Variants in KANSL1 observed in about 807,000 individuals in gnomAD.
The protein encoded by KANSL1 is MLL1/MLL complex subunit KANSL1.
KANSL1 carries 22 observed loss-of-function variants against 103.6 expected under a neutral mutation model. The ratio of observed to expected loss-of-function variants is 0.21; its 90% CI spans 0.15 to 0.30. The LOEUF is 0.30. Among genes scored for constraint, KANSL1 ranks in the 10% least tolerant of loss-of-function variants. The pLI, the probability that KANSL1 is intolerant of heterozygous loss-of-function variation, is 1.00. For synonymous variants in KANSL1, 600 were observed against 527.6 expected, an observed-to-expected ratio of 1.14 and a Z score of -1.88; for missense variants, 1,337 against 1,399.8, an observed-to-expected ratio of 0.96 and a Z score of 0.72.
At chr17:46,050,106 T>C (rs1218659651) in intron 7 of KANSL1, 2 of 115,432 alleles carry the variant, frequency 1.7e-5, no homozygotes, top group African/African-American at 5.3e-5. Flanking sequence ...GTAGAGACGG[T>C]GGTTTCACCA....
intron 2 of KANSL1, among the ~76,000 whole-genome samples, chr17:46,102,256 A>G (rs1021344096): frequency 2.0e-5 from 3 of 151,456 alleles, no homozygotes; most frequent in African/African-American, 7.3e-5. Flanking sequence ...CAGAGCCAAT[A>G]CTTTTTTTTT....
chr17:46,042,494 A>G (rs2077360637), intron 7 of KANSL1: 1 of 152,194 alleles, frequency 6.6e-6, no homozygotes, highest in African/African-American at 2.4e-5. Flanking sequence ...AGTAACAACC[A>G]ACTTTCAAAC....
chr17:46,122,852 G>A (rs919718421), intron 2 of KANSL1, among the ~76,000 whole-genome samples: 11 of 152,198 alleles, frequency 7.2e-5, no homozygotes, highest in Admixed American at 1.3e-4. Context: ...AAACTTAACT[G>A]ATAAAAATGT....
In KANSL1 at chr17:46,101,754, C is replaced by CAAAAAAAA. The variant is rs372439614; in HGVS notation, c.1290-7061_1290-7054dup. Among the ~76,000 whole-genome samples the CAAAAAAAA allele has an allele frequency of 7.7e-4, 72 of 93,656 alleles. 1 individual carries two copies. The highest frequency in any genetic ancestry group is 1.2e-3 in the African/African-American group (25 of 20,670). The allele number at this position is 93,656 out of a possible 152,430, so 61.4% of individuals were successfully genotyped here. A position where few individuals can be genotyped will look rare whatever the true frequency, so the allele number is the denominator to read the frequency against. ...GGGGGACAGAGCAAGACTCTGTCTA[C>CAAAAAAAA]AAAAAAAAAAAAAAAAAAAAAAAAA... On this transcript the variant is annotated intron_variant, in intron 2 of 14. Transcript: ENST00000432791.
intron 4 of KANSL1, among the ~76,000 whole-genome samples, chr17:46,080,312 T>TAAAAAAAAAAAAA: frequency 1.3e-5 from 1 of 77,776 alleles, no homozygotes; most frequent in Non-Finnish European, 2.6e-5. Flanking sequence ...GAGCCTGTCT[T>TAAAAAAAAAAAAA]AAAAAAAAAA....
chr17:46,039,918 A>G (rs1283906978), intron 7 of KANSL1, 34 bp from the exon 8 acceptor site: 5 of 1,601,694 alleles, frequency 3.1e-6, no homozygotes, highest in Non-Finnish European at 4.3e-6. Flanking sequence ...AGGTTAGTCC[A>G]AACACCTGGC....
intron 6 of KANSL1, among the ~76,000 whole-genome samples, chr17:46,058,749 T>A (rs975914127): frequency 0.023 from 675 of 29,018 alleles, 1 homozygote; most frequent in Middle Eastern, 0.039. Flanking sequence ...ACACACTCTC[T>A]CTCTCTCTCT....
At chr17:46,039,006 G>A in intron 9 of KANSL1, 21 bp downstream of exon 9, 2 of 1,599,764 alleles carry the variant, frequency 1.3e-6, no homozygotes, top group Non-Finnish European at 8.5e-7. Context: ...GCAGGTAGAG[G>A]TGCCATGGGC....
At chr17:46,049,597 T>A (rs2077639764) in intron 7 of KANSL1, 1 of 152,050 alleles carries the variant, frequency 6.6e-6, no homozygotes, top group Admixed American at 6.6e-5. Context: ...ATTAAAGACG[T>A]GGGCCACGAC....
chr17:46,050,413 G>C (rs1598482460), intron 7 of KANSL1, 120 bp downstream of exon 7: 2 of 1,032,242 alleles, frequency 1.9e-6, no homozygotes, highest in East Asian at 5.2e-5. Context: ...AGAAGACTTG[G>C]TTGACGAAAG....
chr17:46,197,675 C>T (rs955271295), upstream of KANSL1, among the ~76,000 whole-genome samples: 4 of 152,340 alleles, frequency 2.6e-5, no homozygotes, highest in Non-Finnish European at 4.4e-5. Context: ...AGAGTTGGCA[C>T]TACATTACCC....
At chr17:46,064,053 T>C (rs1412299948) in intron 6 of KANSL1, among the ~76,000 whole-genome samples, 1 of 105,756 alleles carries the variant, frequency 9.5e-6, no homozygotes, top group African/African-American at 3.5e-5. Context: ...CGACTATTAG[T>C]AAAAAAAAAA....
chr17:46,129,668 T>C (rs375747379), intron 2 of KANSL1, among the ~76,000 whole-genome samples: 58 of 152,328 alleles, frequency 3.8e-4, no homozygotes, highest in African/African-American at 1.2e-3. Context: ...AAAGGGAAGA[T>C]TGGAGATCAC....
At position 46,038,166 on chromosome 17, in the gene KANSL1, C is replaced by T. The variant is rs142251472; in HGVS notation, c.2541+372G>A. The T allele has an allele frequency of 2.0e-3, 408 of 199,426 alleles. 1 individual carries two copies. Among genetic ancestry groups the T allele is most frequent in the African/African-American group, 8.9e-3 (386 of 43,318 alleles). The allele number at this position is 199,426 out of a possible 1,614,324, so 12.4% of individuals were successfully genotyped here. On this transcript the variant is annotated intron_variant, in intron 10 of 14. Coordinates refer to ENST00000432791, the MANE Select transcript of KANSL1 (RefSeq NM_015443.4). ...GGGAATCTCCCCTCTACCCACCCCT[C>T]CTCTCTTGTTCACTTCTTGGGCCAA...
chr17:46,059,117 A>T (rs554375774), intron 6 of KANSL1, among the ~76,000 whole-genome samples: 1 of 152,024 alleles, frequency 6.6e-6, no homozygotes, highest in Admixed American at 6.6e-5. Context: ...GGCTGAATGG[A>T]TAACACTAGA....
At chr17:46,118,158 GAT>G (rs796643705) in intron 2 of KANSL1, among the ~76,000 whole-genome samples, 59 of 152,262 alleles carry the variant, frequency 3.9e-4, no homozygotes, top group African/African-American at 1.4e-3. Context: ...TAAACTCTTA[GAT>G]AAAAGAGCAC....
At chr17:46,216,643 TTAAAGA>T (rs1333843565) in intron 1 of KANSL1, among the ~76,000 whole-genome samples, 2 of 151,968 alleles carry the variant, frequency 1.3e-5, no homozygotes, top group African/African-American at 4.8e-5. Flanking sequence ...AAAAATCTTG[TTAAAGA>T]TAAATACATG....
chr17:46,165,538 T>C (rs2045953907), intron 2 of KANSL1, among the ~76,000 whole-genome samples: 1 of 139,624 alleles, frequency 7.2e-6, no homozygotes, highest in African/African-American at 3.0e-5. Context: ...TGAGACACAG[T>C]TTCACTCTGC....
intron 4 of KANSL1, among the ~76,000 whole-genome samples, chr17:46,077,513 T>C (rs1443184437): frequency 2.6e-5 from 4 of 152,210 alleles, no homozygotes; most frequent in Non-Finnish European, 5.9e-5. Context: ...CGATTTTTAC[T>C]ACAATGTTGT....
Sources: allele counts gnomAD v4.1 joint callset (sites outside exome capture counted in the v4.1 genomes callset), GRCh38; gene constraint gnomAD v4.1.1; transcripts MANE v1.5; gene names NCBI Gene and HGNC (gene_info 2026-07-23, HGNC 2026-07-21).